CCDC102B: variants seen among roughly 807,000 people sequenced by gnomAD.
CCDC102B encodes the protein coiled-coil domain containing 102B, also known as coiled-coil domain-containing protein 102B.
Under a neutral mutation model 57.4 loss-of-function variants are expected in CCDC102B, and 75 were observed. The observed-to-expected ratio is 1.31, with a 90% CI of 1.08 to 1.58. CCDC102B has a LOEUF of 1.58. CCDC102B is among the 40% of genes most tolerant of loss of function. CCDC102B has a pLI of 0.00. For missense variants in CCDC102B, 636 were observed against 582.6 expected (o/e 1.09, Z -0.94); for synonymous variants, 206 against 201.9 (o/e 1.02, Z -0.17).
chr18:69,000,280 T>A (rs2051166442), intron 6 of CCDC102B, among the ~76,000 whole-genome samples: 1 of 152,172 alleles, frequency 6.6e-6, no homozygotes, highest in Non-Finnish European at 1.5e-5. Context: ...ACAATGGCCC[T>A]TTGAGATGGG....
intron 5 of CCDC102B, among the ~76,000 whole-genome samples, chr18:68,878,013 C>T (rs899108062): frequency 2.0e-5 from 3 of 151,936 alleles, no homozygotes; most frequent in African/African-American, 4.8e-5. Flanking sequence ...TCTATGAGGT[C>T]GAAAGTAAAA....
At chr18:68,893,298 G>A (rs1348761096) in intron 5 of CCDC102B, among the ~76,000 whole-genome samples, 1 of 152,160 alleles carries the variant, frequency 6.6e-6, no homozygotes, top group Admixed American at 6.5e-5. Context: ...GAGGCAATCA[G>A]TCTAAAAGGA....
intron 6 of CCDC102B, among the ~76,000 whole-genome samples, chr18:68,974,860 C>T (rs946746798): frequency 4.0e-5 from 6 of 151,836 alleles, no homozygotes; most frequent in African/African-American, 1.4e-4. Context: ...GATGTCTTTG[C>T]ATGTGTTACT....
At chr18:68,761,365 T>C (rs2034248037) in intron 2 of CCDC102B, among the ~76,000 whole-genome samples, 1 of 152,068 alleles carries the variant, frequency 6.6e-6, no homozygotes, top group Non-Finnish European at 1.5e-5. Flanking sequence ...CTATATAAGT[T>C]TCTGGAGAAT....
At chr18:68,858,675 T>G (rs1165001426) in intron 4 of CCDC102B, among the ~76,000 whole-genome samples, 2 of 152,150 alleles carry the variant, frequency 1.3e-5, no homozygotes, top group Non-Finnish European at 2.9e-5. Context: ...TTTTCCAGTG[T>G]TATTCTCTGT....
At position 68,718,634 on chromosome 18, in the gene CCDC102B, CTACA is replaced by C. The variant is rs149353546; in HGVS notation, c.-67+2046_-67+2049del. Among the ~76,000 whole-genome samples the C allele has an allele frequency of 8.4e-3, 1,283 of 152,234 alleles. 22 individuals are homozygous for C. The highest frequency in any genetic ancestry group is 0.029 in the African/African-American group (1,209 of 41,550). ...AGCTTAAAAATAAGAATAAATAAAG[CTACA>C]TACATTTATGTTTTTTAATGGATAG... On this transcript the variant is annotated intron_variant, in intron 2 of 3. Transcript: ENST00000578970.
Position 69,054,494 on chromosome 18 carries a change from A to G in CCDC102B, c.*357A>G, listed in dbSNP as rs1314794694. Reference sequence around the variant, plus strand: ...TACAAGACGCTGGGTCATTAATAAGAAAACCATTGACTTTAAGTATAAAGT... The same window carrying G: ...TACAAGACGCTGGGTCATTAATAAGGAAACCATTGACTTTAAGTATAAAGT... On this transcript the variant is annotated 3_prime_UTR_variant, in exon 8 of 8. Transcript: ENST00000360242. The G allele has an allele frequency of 7.0e-6, 7 of 998,450 alleles. No homozygotes were observed. The highest frequency in any genetic ancestry group is 4.3e-5 in the South Asian group (1 of 23,174). The allele number at this position is 998,450 out of a possible 1,614,324, so 61.8% of individuals were successfully genotyped here.
intron 1 of CCDC102B, 70 bp from the exon 2 acceptor site, chr18:68,836,679 A>T (rs1375865110): frequency 3.0e-5 from 19 of 624,808 alleles, no homozygotes; most frequent in Non-Finnish European, 4.2e-5. Context: ...AAAAAAAAAA[A>T]GTGTAGGTCT....
At chr18:68,958,088 G>A (rs2049953593) in intron 6 of CCDC102B, among the ~76,000 whole-genome samples, 1 of 152,064 alleles carries the variant, frequency 6.6e-6, no homozygotes, top group Admixed American at 6.6e-5. Context: ...AAGAGAGCTA[G>A]TGCAGGCAAA....
chr18:68,923,993 G>A (rs779195800), intron 6 of CCDC102B, among the ~76,000 whole-genome samples: 6 of 151,928 alleles, frequency 3.9e-5, no homozygotes, highest in Non-Finnish European at 8.8e-5. Context: ...TATGTTTATG[G>A]CTGTAAGTAG....
chr18:68,817,473 G>A (rs921246167), intron 1 of CCDC102B, among the ~76,000 whole-genome samples: 3 of 152,088 alleles, frequency 2.0e-5, no homozygotes, highest in African/African-American at 4.8e-5. Flanking sequence ...AATTATCTTG[G>A]TTCTGTTTTT....
chr18:68,725,005 A>G (rs759025172), intron 2 of CCDC102B, among the ~76,000 whole-genome samples: 1 of 152,226 alleles, frequency 6.6e-6, no homozygotes, highest in Non-Finnish European at 1.5e-5. Context: ...AGACCGCAGG[A>G]AACTTACAAT....
At chr18:68,913,472 C>A (rs2145082867) in intron 6 of CCDC102B, among the ~76,000 whole-genome samples, 1 of 152,018 alleles carries the variant, frequency 6.6e-6, no homozygotes, top group South Asian at 2.1e-4. Context: ...CATGGTGAAA[C>A]CCTGTCTCTA....
chr18:68,957,447 T>G (rs894750169), intron 6 of CCDC102B, among the ~76,000 whole-genome samples: 1 of 152,094 alleles, frequency 6.6e-6, no homozygotes, highest in African/African-American at 2.4e-5. Flanking sequence ...ATTTCTGGAT[T>G]ATCTAATTTG....
intron 6 of CCDC102B, among the ~76,000 whole-genome samples, chr18:68,978,403 A>C (rs544379106): frequency 8.5e-5 from 13 of 152,184 alleles, no homozygotes; most frequent in African/African-American, 3.1e-4. Context: ...TAGTACCTCT[A>C]ATCCAAGGTT....
chr18:68,926,347 C>CT (rs754895904), intron 6 of CCDC102B, among the ~76,000 whole-genome samples: 6 of 151,592 alleles, frequency 4.0e-5, no homozygotes, highest in Non-Finnish European at 8.9e-5. Context: ...GCTAAATTGT[C>CT]TATTATGTTT....
Position 68,846,339 on chromosome 18 carries a change from T to C in CCDC102B, c.854T>C (p.Ile285Thr). The part of the protein sequence containing the change: ...REMRTALEKE[I>T]ERLESALSLW... The stretch of plus-strand genomic sequence containing the variant: ...ATGCGCACAGCTTTGGAAAAAGAAA[T>C]AGAGAGACTGGAGTCGGCTTTGTCT... The change falls in exon 4 of 8, where the codon ATA (isoleucine) becomes ACA (threonine). Residue 285 changes from isoleucine to threonine, a missense_variant. Transcript: ENST00000360242. 1 of 1,575,440 alleles carries C rather than the reference T, an allele frequency of 6.3e-7. No homozygotes were observed. Among genetic ancestry groups the C allele is most frequent in the African/African-American group, 1.4e-5 (1 of 72,620 alleles).
intron 2 of CCDC102B, among the ~76,000 whole-genome samples, chr18:68,730,042 A>C (rs2145200737): frequency 6.6e-6 from 1 of 152,296 alleles, no homozygotes; most frequent in East Asian, 1.9e-4. Flanking sequence ...TTGACGTACC[A>C]TTGACTTTCA....
At chr18:68,958,273 A>G (rs1361316176) in intron 6 of CCDC102B, among the ~76,000 whole-genome samples, 2 of 152,188 alleles carry the variant, frequency 1.3e-5, no homozygotes, top group African/African-American at 4.8e-5. Context: ...GTCATATGGA[A>G]ATGCTAATAA....
Sources: allele counts gnomAD v4.1 joint callset (sites outside exome capture counted in the v4.1 genomes callset), GRCh38; gene constraint gnomAD v4.1.1; transcripts MANE v1.5; gene names NCBI Gene and HGNC (gene_info 2026-07-23, HGNC 2026-07-21).